USP10: variants seen among roughly 807,000 people sequenced by gnomAD.
USP10 encodes the protein ubiquitin carboxyl-terminal hydrolase 10.
A neutral mutation model predicts 84.5 loss-of-function variants in USP10; 22 were observed. That is an observed-to-expected ratio of 0.26 (90% CI 0.19 to 0.37). The LOEUF (loss-of-function observed/expected upper bound fraction) is 0.37. Ranked by LOEUF, USP10 falls within the 10% of genes least tolerant of loss-of-function variation. The probability of loss-of-function intolerance (pLI) is 1.00; values close to 1 mark genes in which losing one functional copy is unlikely to be tolerated. For synonymous variants in USP10, 454 were observed against 387.6 expected, an observed-to-expected ratio of 1.17 and a Z score of -2.01; for missense variants, 1,019 against 998.9, an observed-to-expected ratio of 1.02 and a Z score of -0.27.
chr16:84,775,347 C>A, intron 13 of USP10, 122 bp downstream of exon 13: 1 of 948,222 alleles, frequency 1.1e-6, no homozygotes, highest in Non-Finnish European at 1.7e-6. Flanking sequence ...ATCCCTGTGG[C>A]CTTGTGAGTC....
chr16:84,730,334 C>A (rs1355195658), intron 1 of USP10, among the ~76,000 whole-genome samples: 1 of 151,988 alleles, frequency 6.6e-6, no homozygotes, highest in East Asian at 1.9e-4. Context: ...TTTTGAAGAT[C>A]TCTCGCTGTC....
At position 84,706,683 on chromosome 16, in the gene USP10, G is replaced by A. The variant is rs1352613915; in HGVS notation, c.21+6572G>A. Among the ~76,000 whole-genome samples the A allele has an allele frequency of 2.0e-5, 3 of 151,982 alleles. No homozygotes were observed. The East Asian group carries it at 5.8e-4, about 29-fold the overall frequency. On this transcript the variant is annotated intron_variant, in intron 1 of 13. Coordinates refer to ENST00000219473, the MANE Select transcript of USP10 (RefSeq NM_005153.3). ...AGCCTCCGGAGTAGCTGGGAATACA[G>A]GTGTGCGCCACCACGCCCAGCTAAT...
Position 84,779,111 on chromosome 16 carries a change from T to C in USP10, c.*29T>C, listed in dbSNP as rs894411848. 9.4e-6 allele frequency: 15 copies of C among 1,591,332 alleles called. No individual in the cohort carries two copies. Among genetic ancestry groups the C allele is most frequent in the Admixed American group, 3.4e-5 (2 of 59,300 alleles). ...CTGTGTGCGCTGTGTGTGCGCCCAG[T>C]GCCCGCTTCGTAGGACACCACCTCA... On this transcript the variant is annotated 3_prime_UTR_variant, in exon 14 of 14. Coordinates refer to ENST00000219473, the MANE Select transcript of USP10 (RefSeq NM_005153.3).
At chr16:84,732,901 AAT>A (rs1339961607) in intron 1 of USP10, among the ~76,000 whole-genome samples, 2 of 152,214 alleles carry the variant, frequency 1.3e-5, no homozygotes, top group African/African-American at 4.8e-5. Context: ...TCTGTCTGAT[AAT>A]ATGTGTATCT....
intron 4 of USP10, among the ~76,000 whole-genome samples, chr16:84,757,562 T>C (rs1274453984): frequency 6.6e-6 from 1 of 152,182 alleles, no homozygotes; most frequent in South Asian, 2.1e-4. Context: ...AGATGGATGC[T>C]ACTATCAAAT....
intron 1 of USP10, among the ~76,000 whole-genome samples, chr16:84,727,553 A>C (rs1908663983): frequency 6.6e-6 from 1 of 152,218 alleles, no homozygotes; most frequent in African/African-American, 2.4e-5. Flanking sequence ...AGTACAAAGA[A>C]TCCCCAGATG....
chr16:84,757,393 A>AGG (rs1555546426), intron 4 of USP10, among the ~76,000 whole-genome samples: 249 of 96,206 alleles, frequency 2.6e-3, no homozygotes, highest in South Asian at 5.6e-3. Context: ...AGGGAATGAG[A>AGG]GGGGTGGGGG....
chr16:84,757,375 T>C (rs906512325), intron 4 of USP10, among the ~76,000 whole-genome samples: 4 of 144,024 alleles, frequency 2.8e-5, no homozygotes, highest in Non-Finnish European at 4.5e-5. Context: ...CATTTATTCA[T>C]AGGAAGGAGG....
At chr16:84,721,873 G>T (rs1263068118) in intron 1 of USP10, among the ~76,000 whole-genome samples, 2 of 152,146 alleles carry the variant, frequency 1.3e-5, no homozygotes, top group African/African-American at 2.4e-5. Flanking sequence ...AATTTTTTGT[G>T]TTTTCATAGA....
chr16:84,731,849 T>A (rs1258292865), intron 1 of USP10, among the ~76,000 whole-genome samples: 1 of 152,174 alleles, frequency 6.6e-6, no homozygotes, highest in Admixed American at 6.5e-5. Context: ...CTTCCATTGC[T>A]TTGAGGGTTT....
chr16:84,756,741 G>A (rs994449289), intron 4 of USP10, among the ~76,000 whole-genome samples: 2 of 152,268 alleles, frequency 1.3e-5, no homozygotes, highest in Middle Eastern at 3.4e-3. Context: ...ATGCCTTTAC[G>A]TCATTGATGG....
intron 1 of USP10, among the ~76,000 whole-genome samples, chr16:84,722,202 C>T (rs1567600403): frequency 6.6e-6 from 1 of 152,196 alleles, no homozygotes; most frequent in Non-Finnish European, 1.5e-5. Flanking sequence ...ATTACACAAA[C>T]TGTACTCTTT....
At chr16:84,743,859 T>C (rs1402160500) in intron 3 of USP10, among the ~76,000 whole-genome samples, 1 of 152,192 alleles carries the variant, frequency 6.6e-6, no homozygotes, top group East Asian at 1.9e-4. Context: ...TCTAACTTTT[T>C]CTTTTGGTAT....
rs1904619589 is a variant in USP10 at position 84,700,003 on chromosome 16, T to A, written c.-88T>A. 4.2e-6 allele frequency: 5 copies of A among 1,200,500 alleles called. No homozygotes were observed. The Admixed American group carries it at 8.6e-5, about 21-fold the overall frequency. The allele number at this position is 1,200,500 out of a possible 1,614,324, so 74.4% of individuals were successfully genotyped here. On this transcript the variant is annotated 5_prime_UTR_variant, in exon 1 of 14. Transcript: ENST00000219473. ...GCGCAGGCGCGGCGGCCGATGCGAGTGTGTATGTGCGGGCGAGAAGATGGC... is the reference window on the plus strand; with the variant it reads ...GCGCAGGCGCGGCGGCCGATGCGAGAGTGTATGTGCGGGCGAGAAGATGGC...
intron 1 of USP10, among the ~76,000 whole-genome samples, chr16:84,725,674 G>T (rs920121014): frequency 6.6e-6 from 1 of 152,150 alleles, no homozygotes; most frequent in Non-Finnish European, 1.5e-5. Context: ...AGAGTGCTGG[G>T]ATTACAGGTG....
chr16:84,737,893 G>T (rs1231035538), intron 2 of USP10, among the ~76,000 whole-genome samples: 1 of 152,162 alleles, frequency 6.6e-6, no homozygotes. Context: ...TCCACCCTCA[G>T]TCAGCGCCAC....
chr16:84,704,591 T>C (rs1905245986), intron 1 of USP10: 2 of 1,003,438 alleles, frequency 2.0e-6, no homozygotes, highest in East Asian at 2.8e-5. Context: ...GGATGAAGAA[T>C]TAGTGTAGGA....
rs1157728872 is a variant in USP10, at chr16:84,702,993, C to CAAAAAAAAAAAA, written c.21+2891_21+2902dup. On this transcript the variant is annotated intron_variant, in intron 1 of 13. Coordinates refer to ENST00000219473, the MANE Select transcript of USP10 (RefSeq NM_005153.3). ...GGGCGACAGAGCAAGACTCCCGTCT[C>CAAAAAAAAAAAA]AAAAAAAAAAAAAAAAAAAAGAGCG... is the stretch of plus-strand genomic sequence containing the variant. 1.3e-3 allele frequency among the ~76,000 whole-genome samples: 68 copies of CAAAAAAAAAAAA among 52,096 alleles called. 1 individual carries two copies. The highest frequency in any genetic ancestry group is 5.1e-3 in the African/African-American group (59 of 11,620). 34.2% of individuals were successfully genotyped at this position (52,096 alleles called of 152,430 possible).
chr16:84,748,078 T>G (rs1597359351), intron 4 of USP10, among the ~76,000 whole-genome samples: 1 of 126,030 alleles, frequency 7.9e-6, no homozygotes, highest in Non-Finnish European at 1.6e-5. Flanking sequence ...GGCGTGAACC[T>G]GGGAGGCGGA....
Sources: gnomAD v4.1 joint callset for allele counts (sites outside exome capture counted in the v4.1 genomes callset) on GRCh38, gnomAD v4.1.1 for gene constraint, MANE v1.5 for transcripts, NCBI Gene and HGNC (gene_info 2026-07-23, HGNC 2026-07-21) for gene names.